WDR25: variants seen among roughly 807,000 people sequenced by gnomAD.
WDR25 encodes the protein WD repeat-containing protein 25.
In WDR25, 35 loss-of-function variants were observed where a neutral mutation model predicts 47.7. The ratio of observed to expected loss-of-function variants is 0.73; its 90% CI spans 0.56 to 0.97. WDR25 has a LOEUF of 0.97. WDR25 is among the 50% of genes least tolerant of loss of function. The pLI is 0.00. For synonymous variants in WDR25, 248 were observed against 278.9 expected (o/e 0.89, Z 1.10); for missense variants, 634 against 704.7 (o/e 0.90, Z 1.14).
intron 4 of WDR25, among the ~76,000 whole-genome samples, chr14:100,515,738 G>A (rs1901468363): frequency 6.7e-6 from 1 of 150,104 alleles, no homozygotes; most frequent in South Asian, 2.1e-4. Context: ...AAGCAATTTT[G>A]CCTCAGCATC....
intron 2 of WDR25, among the ~76,000 whole-genome samples, chr14:100,410,781 A>ATT (rs560217272): frequency 9.3e-5 from 13 of 139,174 alleles, no homozygotes; most frequent in Admixed American, 1.4e-4. Context: ...GTTTAAGCAG[A>ATT]TTTTTTTTTT....
intron 2 of WDR25, among the ~76,000 whole-genome samples, chr14:100,420,374 T>C (rs1341857979): frequency 6.6e-6 from 1 of 152,236 alleles, no homozygotes; most frequent in Admixed American, 6.5e-5. Context: ...TTTTTAAAGC[T>C]CAGTATCCCT....
At chr14:100,394,213 C>T (rs1041810613) in intron 2 of WDR25, among the ~76,000 whole-genome samples, 4 of 152,210 alleles carry the variant, frequency 2.6e-5, no homozygotes, top group African/African-American at 9.7e-5. Context: ...ATCCGGTGCG[C>T]ACCCAGTGAC....
intron 2 of WDR25, among the ~76,000 whole-genome samples, chr14:100,427,325 C>T (rs746539039): frequency 1.6e-4 from 24 of 152,234 alleles, no homozygotes; most frequent in Non-Finnish European, 2.9e-4. Flanking sequence ...CACTGCCTCT[C>T]AGTCTCCTCT....
rs1382364633 is a variant in WDR25, at chr14:100,488,792, C to G, written c.1101+4668C>G. ...CATTTGAACCTTATCCTCAATTAGC[C>G]TGCACCATCTGTGACCTATCTCAGG... On this transcript the variant is annotated intron_variant, in intron 4 of 6. Coordinates refer to ENST00000402312, the MANE Select transcript of WDR25 (RefSeq NM_001161476.3). This position sits in a 1 kb window ranked among gnomAD's most constrained non-coding sequence, Gnocchi z 4.2. 6.6e-6 allele frequency among the ~76,000 whole-genome samples: 1 copy of G among 152,206 alleles called. No individual in the cohort carries two copies. Among genetic ancestry groups the G allele is most frequent in the Non-Finnish European group, 1.5e-5 (1 of 68,030 alleles).
intron 2 of WDR25, among the ~76,000 whole-genome samples, chr14:100,442,526 C>G (rs770828527): frequency 3.9e-5 from 6 of 152,222 alleles, no homozygotes; most frequent in African/African-American, 7.2e-5. Flanking sequence ...TCTCTCTTGC[C>G]CCTGAACTGC....
intron 1 of WDR25, among the ~76,000 whole-genome samples, chr14:100,378,378 A>C (rs905322715): frequency 1.3e-5 from 2 of 152,142 alleles, no homozygotes; most frequent in African/African-American, 4.8e-5. Context: ...CATGTTGGCC[A>C]GGCTGGTCTC....
rs183888162 is a variant in WDR25 at position 100,449,972 on chromosome 14, G to T, written c.823-18049G>T. 6.6e-6 allele frequency among the ~76,000 whole-genome samples: 1 copy of T among 152,310 alleles called. No homozygotes were observed. Among genetic ancestry groups the T allele is most frequent in the African/African-American group, 2.4e-5 (1 of 41,562 alleles). ...TCCCAGTGATTCTTCTCTAAACTGG[G>T]CATTCAGTGCGTCCACAGTCCGGCG... On this transcript the variant is annotated intron_variant, in intron 2 of 6. Coordinates refer to ENST00000402312, the MANE Select transcript of WDR25 (RefSeq NM_001161476.3). The surrounding 1 kb of genome is among the most constrained non-coding windows in gnomAD (Gnocchi z 4.2).
At position 100,529,956 on chromosome 14, in the gene WDR25, C is replaced by A. The variant is rs201959077; in HGVS notation, c.1550C>A (p.Ala517Asp). The change falls in exon 7 of 7, where the codon GCC (alanine) becomes GAC (aspartate). Residue 517 changes from alanine (A) to aspartate (D), a missense_variant. Physicochemically the swap from Ala to Asp is moderately radical, Grantham distance 126. Transcript: ENST00000402312. This position sits in a 1 kb window ranked among gnomAD's most constrained non-coding sequence, Gnocchi z 5.1. ...RACTLQGHTQ[A>D]CVGTTYHPVL... ...TGCACACTGCAGGGGCACACACAGG[C>A]CTGTGTCGGCACCACCTATCACCCC... 3 of 1,613,536 alleles carry A rather than the reference C, an allele frequency of 1.9e-6. No homozygotes were observed.
intron 2 of WDR25, among the ~76,000 whole-genome samples, chr14:100,415,789 T>C (rs1312713200): frequency 1.3e-5 from 2 of 152,152 alleles, no homozygotes; most frequent in African/African-American, 4.8e-5. Context: ...TAATAAACTG[T>C]TTTCAGTCTC....
chr14:100,427,602 G>A (rs985936894), intron 2 of WDR25, among the ~76,000 whole-genome samples: 4 of 152,232 alleles, frequency 2.6e-5, no homozygotes, highest in South Asian at 2.1e-4. Context: ...CGGGGGTGAC[G>A]TGTGGGTGAA....
chr14:100,506,627 T>C lies in WDR25; in HGVS notation c.1102-19243T>C, dbSNP rs1343744784. Among the ~76,000 whole-genome samples the C allele has an allele frequency of 6.6e-6, 1 of 152,228 alleles. No homozygotes were observed. The highest frequency in any genetic ancestry group is 2.4e-5 in the African/African-American group (1 of 41,462). ...CCATGCTGTCTGGTGTGAGAAGTTATCTCATTGTGATTTTGATTTGCATTT... is the reference window on the plus strand; with the variant it reads ...CCATGCTGTCTGGTGTGAGAAGTTACCTCATTGTGATTTTGATTTGCATTT... On this transcript the variant is annotated intron_variant, in intron 4 of 6. Coordinates refer to ENST00000402312, the MANE Select transcript of WDR25 (RefSeq NM_001161476.3). The surrounding 1 kb of genome is among the most constrained non-coding windows in gnomAD (Gnocchi z 4.8).
rs185649006 is a variant in WDR25 at position 100,509,841 on chromosome 14, C to A, written c.1102-16029C>A. On this transcript the variant is annotated intron_variant, in intron 4 of 6. Coordinates refer to ENST00000402312, the MANE Select transcript of WDR25 (RefSeq NM_001161476.3). ...TTTCATGTTTTTGCCTGTGGATAAT[C>A]AAATTTCTGCAGCATTTGTTGAAAA... Among the ~76,000 whole-genome samples, 10 of 152,122 alleles carry A rather than the reference C, an allele frequency of 6.6e-5. No individual in the cohort carries two copies. The East Asian group carries it at 1.5e-3, about 23-fold the overall frequency.
intron 4 of WDR25, among the ~76,000 whole-genome samples, chr14:100,513,264 A>G (rs906366303): frequency 5.3e-5 from 8 of 152,206 alleles, no homozygotes; most frequent in Non-Finnish European, 7.3e-5. Flanking sequence ...GGGGTAGATT[A>G]CGTCATGAGG....
At chr14:100,515,031 A>G (rs570864519) in intron 4 of WDR25, among the ~76,000 whole-genome samples, 6 of 152,286 alleles carry the variant, frequency 3.9e-5, no homozygotes, top group Non-Finnish European at 8.8e-5. Context: ...ATGTCACTCA[A>G]TTGTCACTAG....
At chr14:100,434,608 G>A (rs1898443810) in intron 2 of WDR25, among the ~76,000 whole-genome samples, 1 of 152,100 alleles carries the variant, frequency 6.6e-6, no homozygotes. Flanking sequence ...TATTCTATTT[G>A]AGAGATTTCC....
chr14:100,416,360 A>T (rs1897868916), intron 2 of WDR25, among the ~76,000 whole-genome samples: 1 of 152,110 alleles, frequency 6.6e-6, no homozygotes, highest in African/African-American at 2.4e-5. Context: ...TCATTCCTTG[A>T]TGTAAAAACT....
intron 2 of WDR25, among the ~76,000 whole-genome samples, chr14:100,401,892 A>G (rs965152013): frequency 1.3e-5 from 2 of 152,168 alleles, no homozygotes; most frequent in Non-Finnish European, 2.9e-5. Context: ...GATTTTTAGC[A>G]TGGACACTTT....
intron 4 of WDR25, among the ~76,000 whole-genome samples, chr14:100,514,866 C>G (rs1190047007): frequency 6.6e-6 from 1 of 151,964 alleles, no homozygotes; most frequent in Non-Finnish European, 1.5e-5. Flanking sequence ...TAAGGACTTC[C>G]TTTAACATTT....
Sources: allele counts gnomAD v4.1 joint callset (sites outside exome capture counted in the v4.1 genomes callset), GRCh38; gene constraint gnomAD v4.1.1; non-coding constraint Gnocchi (gnomAD v3.1); transcripts MANE v1.5; gene names NCBI Gene and HGNC (gene_info 2026-07-23, HGNC 2026-07-21).